CERS6: variants seen among roughly 807,000 people sequenced by gnomAD.
CERS6 encodes LAG1 homolog, ceramide synthase 6.
In CERS6, 26 loss-of-function variants were observed where a neutral mutation model predicts 56.8. The observed-to-expected ratio is 0.46, with a 90% CI of 0.34 to 0.63. The LOEUF is 0.63. CERS6 is among the 30% of genes least tolerant of loss of function. The pLI, the probability that CERS6 is intolerant of heterozygous loss-of-function variation, is 0.01. For synonymous variants in CERS6, 164 were observed against 173.3 expected, an observed-to-expected ratio of 0.95 and a Z score of 0.42; for missense variants, 415 against 467.5, an observed-to-expected ratio of 0.89 and a Z score of 1.04.
At chr2:168,747,778 G>T (rs1255889449) in intron 8 of CERS6, among the ~76,000 whole-genome samples, 3 of 151,758 alleles carry the variant, frequency 2.0e-5, no homozygotes, top group African/African-American at 7.3e-5. Flanking sequence ...TATACCCCCA[G>T]TTGCACTCAC....
At chr2:168,562,633 G>A (rs999766374) in intron 3 of CERS6, among the ~76,000 whole-genome samples, 1 of 152,220 alleles carries the variant, frequency 6.6e-6, no homozygotes, top group Non-Finnish European at 1.5e-5. Context: ...TAACAAGGCA[G>A]CATTGCTGCA....
Position 168,576,060 on chromosome 2 carries a change from G to A in CERS6, c.407+14738G>A, listed in dbSNP as rs1165863682. On this transcript the variant is annotated intron_variant, in intron 3 of 9. Transcript: ENST00000305747. ...GCAGGGACATAGGGAGGTAGAGTTA[G>A]GTAAGTCTCTCCTGGTTGTCTCCAT... Among the ~76,000 whole-genome samples, 5 of 152,092 alleles carry A rather than the reference G, an allele frequency of 3.3e-5. No homozygotes were observed. The East Asian group carries it at 5.8e-4, about 18-fold the overall frequency.
At chr2:168,523,956 T>G (rs1015535882) in intron 1 of CERS6, among the ~76,000 whole-genome samples, 20 of 152,316 alleles carry the variant, frequency 1.3e-4, no homozygotes, top group Middle Eastern at 3.4e-3. Context: ...TAACTTAGTG[T>G]CCTCTTCAGA....
At chr2:168,682,315 G>A (rs897885671) in intron 4 of CERS6, among the ~76,000 whole-genome samples, 5 of 151,972 alleles carry the variant, frequency 3.3e-5, no homozygotes, top group Non-Finnish European at 7.4e-5. Context: ...ATGAACATAA[G>A]AAAAAATAAA....
chr2:168,641,396 G>T (rs367906023), intron 4 of CERS6, among the ~76,000 whole-genome samples: 1 of 152,158 alleles, frequency 6.6e-6, no homozygotes. Context: ...TAGCAACTTT[G>T]ACAAAGGCAA....
chr2:168,550,460 G>A (rs1695545850), intron 2 of CERS6, among the ~76,000 whole-genome samples: 4 of 152,148 alleles, frequency 2.6e-5, no homozygotes, highest in Admixed American at 2.6e-4. Context: ...TTATAGCTGT[G>A]AGCCACCATG....
intron 2 of CERS6, among the ~76,000 whole-genome samples, chr2:168,560,883 T>G (rs1274138728): frequency 1.3e-5 from 2 of 152,170 alleles, no homozygotes; most frequent in African/African-American, 4.8e-5. Context: ...TGACTCAGTT[T>G]GTTGGATGTT....
At chr2:168,658,389 G>T (rs1250194197) in intron 4 of CERS6, among the ~76,000 whole-genome samples, 1 of 152,188 alleles carries the variant, frequency 6.6e-6, no homozygotes, top group Non-Finnish European at 1.5e-5. Context: ...CAGAGCACTT[G>T]TCTGAAATAC....
intron 9 of CERS6, among the ~76,000 whole-genome samples, chr2:168,767,409 G>A (rs1032982854): frequency 6.6e-6 from 1 of 152,170 alleles, no homozygotes; most frequent in African/African-American, 2.4e-5. Flanking sequence ...TTGTAAAACT[G>A]GAGTTTTCTA....
intron 6 of CERS6, among the ~76,000 whole-genome samples, chr2:168,704,390 T>C (rs926649778): frequency 2.0e-5 from 3 of 152,024 alleles, no homozygotes; most frequent in African/African-American, 4.8e-5. Context: ...GTTTGGTCAT[T>C]CAGCTTCTCA....
At chr2:168,520,971 C>T (rs1416544622) in intron 1 of CERS6, among the ~76,000 whole-genome samples, 1 of 150,644 alleles carries the variant, frequency 6.6e-6, no homozygotes, top group Non-Finnish European at 1.5e-5. Context: ...CTTCTCCTCC[C>T]TGCAACATTA....
intron 4 of CERS6, among the ~76,000 whole-genome samples, chr2:168,676,716 A>G (rs1036442403): frequency 6.6e-6 from 1 of 152,202 alleles, no homozygotes; most frequent in Non-Finnish European, 1.5e-5. Context: ...TCAGCCTGCA[A>G]CTCAAATGAG....
At chr2:168,641,581 T>C (rs1018254712) in intron 4 of CERS6, among the ~76,000 whole-genome samples, 5 of 152,158 alleles carry the variant, frequency 3.3e-5, no homozygotes, top group Admixed American at 1.3e-4. Context: ...GTGGATCCCC[T>C]CACCATTGAA....
chr2:168,600,459 C>T (rs1376042523), intron 3 of CERS6, among the ~76,000 whole-genome samples: 1 of 152,186 alleles, frequency 6.6e-6, no homozygotes, highest in African/African-American at 2.4e-5. Context: ...CCGCCTCGCC[C>T]TCCAAAAGTG....
rs189886118 is a variant in CERS6, at chr2:168,686,607, T to C, written c.466-4427T>C. On this transcript the variant is annotated intron_variant, in intron 4 of 9. Coordinates refer to ENST00000305747, the MANE Select transcript of CERS6 (RefSeq NM_203463.3). ...GGTCCTTTCTAAACCTAAAATTCAGTGTTTCTAGGTAATAGCTCATTTGGG... is the reference window on the plus strand; with the variant it reads ...GGTCCTTTCTAAACCTAAAATTCAGCGTTTCTAGGTAATAGCTCATTTGGG... 2.6e-3 allele frequency among the ~76,000 whole-genome samples: 390 copies of C among 152,174 alleles called. 4 individuals are homozygous for C. Among genetic ancestry groups the C allele is most frequent in the Non-Finnish European group, 3.4e-3 (232 of 67,998 alleles).
Position 168,715,113 on chromosome 2 carries a change from C to G in CERS6, c.722C>G (p.Ala241Gly). Reference sequence around the variant, plus strand: ...CTGGTCCTTTGTCTTCATGATTCAGCTGATGCTCTTCTGGAGGTAAAAGTT... The same window carrying G: ...CTGGTCCTTTGTCTTCATGATTCAGGTGATGCTCTTCTGGAGGTAAAAGTT... ...GTLVLCLHDS[A>G]DALLEAAKMA... Residue 241 changes from alanine to glycine, a missense_variant, in exon 7 of 10, where the codon GCT becomes GGT. By Grantham distance (60) the Ala-to-Gly change is moderately conservative. Coordinates refer to ENST00000305747, the MANE Select transcript of CERS6 (RefSeq NM_203463.3). 1.2e-6 allele frequency: 2 copies of G among 1,611,248 alleles called. No individual in the cohort carries two copies. Among genetic ancestry groups the G allele is most frequent in the Non-Finnish European group, 1.7e-6 (2 of 1,178,828 alleles).
chr2:168,520,691 C>T (rs1178081855), intron 1 of CERS6, among the ~76,000 whole-genome samples: 9 of 141,226 alleles, frequency 6.4e-5, no homozygotes, highest in African/African-American at 2.3e-4. Context: ...CTCACCGCAA[C>T]CTCCGCCTCC....
chr2:168,492,013 C>T (rs955286009), intron 1 of CERS6, among the ~76,000 whole-genome samples: 1 of 152,214 alleles, frequency 6.6e-6, no homozygotes, highest in African/African-American at 2.4e-5. Context: ...TTTATCCAGT[C>T]TATCATTGAT....
chr2:168,655,715 A>G (rs1039471576), intron 4 of CERS6, among the ~76,000 whole-genome samples: 4 of 152,260 alleles, frequency 2.6e-5, no homozygotes, highest in African/African-American at 9.6e-5. Flanking sequence ...GTAGGTGGGT[A>G]GGAGGAGGAA....
Sources: gnomAD v4.1 joint callset for allele counts (sites outside exome capture counted in the v4.1 genomes callset) on GRCh38, gnomAD v4.1.1 for gene constraint, MANE v1.5 for transcripts, NCBI Gene and HGNC (gene_info 2026-07-23, HGNC 2026-07-21) for gene names.